The following ORC6 variants were observed in gnomAD, a reference collection of about 807,000 sequenced individuals.
ORC6 encodes origin recognition complex subunit 6.
ORC6 carries 31 observed loss-of-function variants against 30.0 expected under a neutral mutation model. The observed-to-expected ratio is 1.03, with a 90% CI of 0.78 to 1.40. The LOEUF (loss-of-function observed/expected upper bound fraction) is 1.40, where lower values mean the gene tolerates loss of function less well. Among genes scored for constraint, ORC6 ranks in the 40% most tolerant of loss-of-function variants. The pLI is 0.00. For missense variants in ORC6, 340 were observed against 304.3 expected, an observed-to-expected ratio of 1.12 and a Z score of -0.87; for synonymous variants, 136 against 111.2, an observed-to-expected ratio of 1.22 and a Z score of -1.40.
chr16:46,698,130 A>G lies in ORC6; in HGVS notation c.*545A>G, dbSNP rs1273291255. ...ACTTATCTCATAAATAAATAGATAG[A>G]TACTCCAGCCTGGGTGACAGAGCGA... On this transcript the variant is annotated 3_prime_UTR_variant, in exon 7 of 7. Transcript: ENST00000219097. 2.3e-6 allele frequency: 1 copy of G among 434,256 alleles called. No homozygotes were observed. Among genetic ancestry groups the G allele is most frequent in the Non-Finnish European group, 4.7e-6 (1 of 213,214 alleles). The allele number at this position is 434,256 out of a possible 1,614,324, so 26.9% of individuals were successfully genotyped here. A position where few individuals can be genotyped will look rare whatever the true frequency, so the allele number is the denominator to read the frequency against.
Position 46,691,074 on chromosome 16 carries a change from T to C in ORC6, c.149T>C (p.Met50Thr), listed in dbSNP as rs1339678033. 2 of 1,614,100 alleles carry C rather than the reference T, an allele frequency of 1.2e-6. No homozygotes were observed. Among genetic ancestry groups the C allele is most frequent in the Admixed American group, 1.7e-5 (1 of 60,010 alleles). ...ACCACGGAGACCAGCAGTGCAGTCA[T>C]GTGCCTGGACCTTGCAGCTTCCTGG... ...ARTTETSSAVMCLDLAASWMK... is the reference protein window; with the variant it reads ...ARTTETSSAVTCLDLAASWMK... Residue 50 changes from methionine (M) to threonine (T), a missense_variant, in exon 2 of 7, where the codon ATG becomes ACG. Physicochemically the swap from Met to Thr is moderately conservative, Grantham distance 81. Transcript: ENST00000219097.
chr16:46,696,111 C>T (rs747321867), intron 6 of ORC6, 26 bp downstream of exon 6: 37 of 1,550,060 alleles, frequency 2.4e-5, no homozygotes, highest in Non-Finnish European at 3.3e-5. Context: ...ACGGTACTGA[C>T]GTTGACATTT....
At position 46,689,751 on chromosome 16, in the gene ORC6, G is replaced by C. The variant is rs749834280; in HGVS notation, c.46G>C (p.Ala16Pro). 1.3e-6 allele frequency: 2 copies of C among 1,598,906 alleles called. No homozygotes were observed. The highest frequency in any genetic ancestry group is 2.2e-5 in the South Asian group (2 of 88,980). Residue 16 changes from alanine to proline, a missense_variant, in exon 1 of 7, where the codon GCC becomes CCC. By Grantham distance (27) the Ala-to-Pro change is conservative. Transcript: ENST00000219097. ...GCGCCTAGCCCCGCGCCTGGGCCTCGCCGAGCCCGACATGCTGAGGTGAGT... is the reference window on the plus strand; with the variant it reads ...GCGCCTAGCCCCGCGCCTGGGCCTCCCCGAGCCCGACATGCTGAGGTGAGT... ...IGRLAPRLGLAEPDMLRKAEE... is the reference protein window; with the variant it reads ...IGRLAPRLGLPEPDMLRKAEE...
chr16:46,691,498 A>G (rs1966436600), intron 2 of ORC6, among the ~76,000 whole-genome samples: 1 of 152,198 alleles, frequency 6.6e-6, no homozygotes, highest in South Asian at 2.1e-4. Context: ...TCTCCACACT[A>G]GCTACCTCTG....
rs1405118988 is a variant in ORC6 at position 46,698,379 on chromosome 16, GTTA to G, written c.*797_*799del. 5.2e-6 allele frequency: 2 copies of G among 385,020 alleles called. No individual in the cohort carries two copies. The highest frequency in any genetic ancestry group is 4.2e-5 in the African/African-American group (2 of 47,456). 23.9% of individuals were successfully genotyped at this position (385,020 alleles called of 1,614,324 possible). ...TATTGTACAGCCTAAGTTAATAAATGTTATTTATATATGCATTCAAGTTGTACT... is the reference window on the plus strand; with the variant it reads ...TATTGTACAGCCTAAGTTAATAAATGTTTATATATGCATTCAAGTTGTACT... On this transcript the variant is annotated 3_prime_UTR_variant, in exon 7 of 7. Transcript: ENST00000219097.
chr16:46,693,715 T>C (rs1966477817), intron 4 of ORC6: 1 of 160,346 alleles, frequency 6.2e-6, no homozygotes, highest in African/African-American at 2.4e-5. Flanking sequence ...AGGCTGAAGC[T>C]GAAGGCTCAC....
In ORC6 at chr16:46,698,116, A is replaced by G. The variant is rs1166314612; in HGVS notation, c.*531A>G. ...GGTGACAGAGCGAGACTTATCTCAT[A>G]AATAAATAGATAGATACTCCAGCCT... On this transcript the variant is annotated 3_prime_UTR_variant, in exon 7 of 7. Transcript: ENST00000219097. 3 of 434,528 alleles carry G rather than the reference A, an allele frequency of 6.9e-6. No homozygotes were observed. The highest frequency in any genetic ancestry group is 1.4e-5 in the Non-Finnish European group (3 of 213,072). 26.9% of individuals were successfully genotyped at this position (434,528 alleles called of 1,614,324 possible).
chr16:46,693,639 G>GAA (rs113628456), intron 4 of ORC6: 35 of 141,794 alleles, frequency 2.5e-4, no homozygotes, highest in Admixed American at 7.6e-4. Flanking sequence ...AATCTCTTAA[G>GAA]AAAAAAAAAA....
At position 46,697,476 on chromosome 16, in the gene ORC6, A is replaced by G; in HGVS notation, c.650A>G (p.Glu217Gly). 1 of 1,613,168 alleles carries G rather than the reference A, an allele frequency of 6.2e-7. No homozygotes were observed. The highest frequency in any genetic ancestry group is 1.1e-5 in the South Asian group (1 of 91,052). The change falls in exon 7 of 7, where the codon GAG (glutamate) becomes GGG (glycine). Residue 217 changes from glutamate to glycine, a missense_variant. Glu to Gly is a moderately conservative substitution (Grantham distance 98). Transcript: ENST00000219097. ...APAKEMEKVE[E>G]MPHKPQKDED... ...CTGTCAGAAATGGAGAAGGTAGAGG[A>G]GATGCCACATAAACCACAGAAAGAT...
chr16:46,689,922 C>T (rs1330149199), intron 1 of ORC6, 152 bp downstream of exon 1: 2 of 1,176,866 alleles, frequency 1.7e-6, no homozygotes, highest in Non-Finnish European at 2.3e-6. Flanking sequence ...TCAAGAAAAA[C>T]TTCTCGGCCG....
intron 6 of ORC6, 59 bp downstream of exon 6, chr16:46,696,144 T>C: frequency 8.3e-7 from 1 of 1,203,452 alleles, no homozygotes; most frequent in South Asian, 1.2e-5. Context: ...AGCCCAGTGC[T>C]GCTCTAGCAG....
At chr16:46,691,190 C>A in intron 2 of ORC6, 70 bp downstream of exon 2, 2 of 1,466,234 alleles carry the variant, frequency 1.4e-6, no homozygotes, top group Non-Finnish European at 1.9e-6. Flanking sequence ...TTTGGTTGAA[C>A]TAAACCCTAG....
Position 46,689,779 on chromosome 16 carries a change from G to C in ORC6, c.65+9G>C. 6.3e-7 allele frequency: 1 copy of C among 1,587,680 alleles called. No individual in the cohort carries two copies. The highest frequency in any genetic ancestry group is 8.6e-7 in the Non-Finnish European group (1 of 1,168,852). ...GAGCCCGACATGCTGAGGTGAGTTC[G>C]GCCGCGCAAGACCAGGGCTGGGCTT... On this transcript the variant is annotated intron_variant, in intron 1 of 6. Coordinates refer to ENST00000219097, the MANE Select transcript of ORC6 (RefSeq NM_014321.4).
At position 46,692,538 on chromosome 16, in the gene ORC6, C is replaced by T; in HGVS notation, c.352C>T (p.Leu118=). 1 of 1,613,052 alleles carries T rather than the reference C, an allele frequency of 6.2e-7. No homozygotes were observed. The highest frequency in any genetic ancestry group is 8.5e-7 in the Non-Finnish European group (1 of 1,179,170). Residue 118 remains leucine (L), a synonymous_variant, in exon 3 of 7, where the codon CTA becomes TTA. Transcript: ENST00000219097. ...AGCAGTGAACATGGCTTCAAAGATACTAAAAAGGTATGGGGCATAGAGAAC... is the reference window on the plus strand; with the variant it reads ...AGCAGTGAACATGGCTTCAAAGATATTAAAAAGGTATGGGGCATAGAGAAC... ...IEAVNMASKI[L]KSYESSLPQT... is the part of the protein sequence containing the mutation.
intron 1 of ORC6, among the ~76,000 whole-genome samples, chr16:46,690,213 G>A (rs562618118): frequency 1.3e-4 from 20 of 152,208 alleles, no homozygotes; most frequent in Non-Finnish European, 2.5e-4. Flanking sequence ...TTAACACAAA[G>A]AAACAAACAA....
rs1164432997 is a variant in ORC6 at position 46,692,403 on chromosome 16, G to A, written c.217G>A (p.Gly73Ser). ...LDRAYLIKLS[G>S]LNKETYQSCL... Reference sequence around the variant, plus strand: ...ACAGGCTTATTTAATTAAACTTTCTGGTTTGAACAAGGAGACATATCAGAG... The same window carrying A: ...ACAGGCTTATTTAATTAAACTTTCTAGTTTGAACAAGGAGACATATCAGAG... The change falls in exon 3 of 7, where the codon GGT (glycine) becomes AGT (serine). Residue 73 changes from glycine (G) to serine (S), a missense_variant. By Grantham distance (56) the Gly-to-Ser change is moderately conservative (BLOSUM62 0). Transcript: ENST00000219097. The A allele has an allele frequency of 5.6e-6, 9 of 1,613,436 alleles. No individual in the cohort carries two copies. Among genetic ancestry groups the A allele is most frequent in the Non-Finnish European group, 7.6e-6 (9 of 1,179,608 alleles).
chr16:46,695,351 T>C, intron 4 of ORC6: 2 of 562,262 alleles, frequency 3.6e-6, no homozygotes, highest in Non-Finnish European at 6.3e-6. Context: ...GCCCCTTTTG[T>C]TATAAAATAG....
chr16:46,690,364 GA>G (rs1056352612), intron 1 of ORC6, among the ~76,000 whole-genome samples: 5 of 152,338 alleles, frequency 3.3e-5, no homozygotes, highest in Admixed American at 3.3e-4. Context: ...TCCGGGGTTC[GA>G]AATAAAGCCA....
At position 46,698,183 on chromosome 16, in the gene ORC6, G is replaced by GATGGATA. The variant is rs1966543675; in HGVS notation, c.*598_*599insATGGATA. On this transcript the variant is annotated 3_prime_UTR_variant, in exon 7 of 7. Transcript: ENST00000219097. ...CTTATAGATAGATAGATAGATAGATGGATAGATAGATAGATAGATAGATAG... is the reference window on the plus strand; with the variant it reads ...CTTATAGATAGATAGATAGATAGATGATGGATAGATAGATAGATAGATAGATAGATAG... The GATGGATA allele has an allele frequency of 3.5e-4, 151 of 430,554 alleles. No homozygotes were observed. The highest frequency in any genetic ancestry group is 5.8e-4 in the South Asian group (35 of 60,680). The allele number at this position is 430,554 out of a possible 1,614,324, so 26.7% of individuals were successfully genotyped here. A position where few individuals can be genotyped will look rare whatever the true frequency, so the allele number is the denominator to read the frequency against.
Sources: gnomAD v4.1 joint callset for allele counts (sites outside exome capture counted in the v4.1 genomes callset) on GRCh38, gnomAD v4.1.1 for gene constraint, MANE v1.5 for transcripts, NCBI Gene and HGNC (gene_info 2026-07-23, HGNC 2026-07-21) for gene names.